The following ALCAM variants were observed in gnomAD, a reference collection of about 807,000 sequenced individuals.
ALCAM encodes activated leukocyte cell adhesion molecule, also known as CD166 antigen.
In ALCAM, 30 loss-of-function variants were observed where a neutral mutation model predicts 70.9. That is an observed-to-expected ratio of 0.42 (90% CI 0.32 to 0.57). The LOEUF is 0.57. ALCAM is among the 20% of genes least tolerant of loss of function. The probability of loss-of-function intolerance (pLI) is 0.11; values close to 1 mark genes in which losing one functional copy is unlikely to be tolerated. For synonymous variants in ALCAM, 249 were observed against 242.5 expected, an observed-to-expected ratio of 1.03 and a Z score of -0.25; for missense variants, 591 against 695.1, an observed-to-expected ratio of 0.85 and a Z score of 1.68.
chr3:105,562,827 CAG>C (rs1221447366), intron 14 of ALCAM, among the ~76,000 whole-genome samples: 3 of 148,926 alleles, frequency 2.0e-5, no homozygotes, highest in Non-Finnish European at 3.0e-5. Flanking sequence ...CTGTTTAAGA[CAG>C]AGTTTCACTC....
At chr3:105,506,808 A>G (rs1435665709) in intron 1 of ALCAM, among the ~76,000 whole-genome samples, 2 of 152,254 alleles carry the variant, frequency 1.3e-5, no homozygotes, top group African/African-American at 4.8e-5. Flanking sequence ...GGGATTGGGA[A>G]TATGTGAAAA....
At chr3:105,405,623 A>C (rs1166611437) in intron 1 of ALCAM, among the ~76,000 whole-genome samples, 2 of 152,198 alleles carry the variant, frequency 1.3e-5, no homozygotes, top group Non-Finnish European at 1.5e-5. Flanking sequence ...CAGCACATGG[A>C]ACATTCTCCA....
intron 1 of ALCAM, among the ~76,000 whole-genome samples, chr3:105,438,265 C>A (rs541853766): frequency 2.0e-5 from 3 of 151,946 alleles, no homozygotes; most frequent in Non-Finnish European, 4.4e-5. Context: ...CAACTTTATA[C>A]TATACTTAAC....
chr3:105,565,763 T>C (rs1409318490), intron 14 of ALCAM, among the ~76,000 whole-genome samples: 1 of 152,166 alleles, frequency 6.6e-6, no homozygotes, highest in Non-Finnish European at 1.5e-5. Context: ...TGGAGCTTGG[T>C]TTTAAACTAG....
chr3:105,546,611 C>T (rs896955949), intron 9 of ALCAM, among the ~76,000 whole-genome samples: 4 of 151,450 alleles, frequency 2.6e-5, no homozygotes, highest in African/African-American at 9.7e-5. Flanking sequence ...ACTAGAGAAA[C>T]TAAGTTTACT....
At chr3:105,402,938 C>CTTTTTTTTTTTTTTTT (rs58126212) in intron 1 of ALCAM, among the ~76,000 whole-genome samples, 1 of 117,254 alleles carries the variant, frequency 8.5e-6, no homozygotes, top group African/African-American at 3.1e-5. Flanking sequence ...AGCTGATGCG[C>CTTTTTTTTTTTTTTTT]TTTTTTTTTT....
chr3:105,546,116 C>T (rs570715715), intron 9 of ALCAM, among the ~76,000 whole-genome samples: 3 of 151,376 alleles, frequency 2.0e-5, no homozygotes, highest in South Asian at 2.1e-4. Flanking sequence ...GTTGTGATTG[C>T]GATCCCTCCA....
At chr3:105,573,799 G>A (rs893263924) in intron 15 of ALCAM, among the ~76,000 whole-genome samples, 34 of 152,146 alleles carry the variant, frequency 2.2e-4, no homozygotes, top group African/African-American at 8.2e-4. Context: ...TAAACCACAA[G>A]TCACAATTTG....
chr3:105,491,070 C>G (rs1938571152), intron 1 of ALCAM, among the ~76,000 whole-genome samples: 1 of 152,212 alleles, frequency 6.6e-6, no homozygotes, highest in Non-Finnish European at 1.5e-5. Flanking sequence ...GGCAGAGGTT[C>G]CCAAACCTCA....
intron 1 of ALCAM, among the ~76,000 whole-genome samples, chr3:105,460,100 T>C (rs1208871956): frequency 6.6e-6 from 1 of 152,034 alleles, no homozygotes; most frequent in East Asian, 1.9e-4. Context: ...GTTTTGACAG[T>C]ATGTGGTGGA....
chr3:105,525,134 T>G, intron 3 of ALCAM: 1 of 982,558 alleles, frequency 1.0e-6, no homozygotes, highest in Non-Finnish European at 1.2e-6. Flanking sequence ...AGTATTCACT[T>G]GCTTTAGAAA....
intron 1 of ALCAM, among the ~76,000 whole-genome samples, chr3:105,490,320 G>A (rs1315451541): frequency 6.6e-6 from 1 of 152,190 alleles, no homozygotes; most frequent in African/African-American, 2.4e-5. Flanking sequence ...TGACTGTGCT[G>A]AATAAAATAG....
At position 105,494,026 on chromosome 3, in the gene ALCAM, T is replaced by C. The variant is rs1387112488; in HGVS notation, c.74-26041T>C. ...CTGCTTTGGTTGGATAAAGATGATGTCCTTAAAATTATTAGAAAACGTATA... is the reference window on the plus strand; with the variant it reads ...CTGCTTTGGTTGGATAAAGATGATGCCCTTAAAATTATTAGAAAACGTATA... On this transcript the variant is annotated intron_variant, in intron 1 of 15. Transcript: ENST00000306107. 3.9e-5 allele frequency among the ~76,000 whole-genome samples: 6 copies of C among 152,058 alleles called. No homozygotes were observed. The South Asian group carries it at 8.3e-4, about 21-fold the overall frequency.
chr3:105,539,316 A>T (rs925701885), intron 6 of ALCAM, among the ~76,000 whole-genome samples: 1 of 152,078 alleles, frequency 6.6e-6, no homozygotes, highest in African/African-American at 2.4e-5. Context: ...GCTGAAGCAT[A>T]CCCTTTAGCC....
At chr3:105,563,371 C>CTT (rs61295473) in intron 14 of ALCAM, among the ~76,000 whole-genome samples, 59 of 151,566 alleles carry the variant, frequency 3.9e-4, no homozygotes, top group Middle Eastern at 3.4e-3. Flanking sequence ...TAACTTTTTG[C>CTT]TTTTTTTATC....
intron 1 of ALCAM, among the ~76,000 whole-genome samples, chr3:105,451,847 C>G (rs1937436383): frequency 6.6e-6 from 1 of 152,094 alleles, no homozygotes; most frequent in South Asian, 2.1e-4. Flanking sequence ...AATTTAAAAG[C>G]TTTTAGGACA....
chr3:105,533,611 C>T lies in ALCAM; in HGVS notation c.468C>T (p.Asp156=). 6 of 1,611,118 alleles carry T rather than the reference C, an allele frequency of 3.7e-6. No individual in the cohort carries two copies. The highest frequency in any genetic ancestry group is 5.1e-6 in the Non-Finnish European group (6 of 1,178,000). The change falls in exon 5 of 16, where the codon GAC becomes GAT. Residue 156 remains aspartate, a synonymous_variant. Coordinates refer to ENST00000306107, the MANE Select transcript of ALCAM (RefSeq NM_001627.4). ...LETEQLKKLG[D]CISEDSYPDG... ...GCCTTTTTATTTTGCAGTTGGGTGA[C>T]TGCATTTCAGAAGACAGTTATCCAG... is the stretch of plus-strand genomic sequence containing the variant.
At chr3:105,431,259 G>A (rs988532290) in intron 1 of ALCAM, among the ~76,000 whole-genome samples, 7 of 152,122 alleles carry the variant, frequency 4.6e-5, no homozygotes, top group African/African-American at 1.7e-4. Context: ...TTTAGCTCAT[G>A]AATCTATCAG....
intron 1 of ALCAM, among the ~76,000 whole-genome samples, chr3:105,496,238 A>G (rs1315195556): frequency 1.3e-5 from 2 of 152,158 alleles, no homozygotes; most frequent in East Asian, 1.9e-4. Flanking sequence ...GAATAATTTT[A>G]TAGCCAAATC....
Sources: gnomAD v4.1 joint callset for allele counts (sites outside exome capture counted in the v4.1 genomes callset) on GRCh38, gnomAD v4.1.1 for gene constraint, MANE v1.5 for transcripts, NCBI Gene and HGNC (gene_info 2026-07-23, HGNC 2026-07-21) for gene names.